Variants in AGBL1 observed in about 807,000 individuals in gnomAD.
The protein encoded by AGBL1 is cytosolic carboxypeptidase 4.
In AGBL1, 130 loss-of-function variants were observed where a neutral mutation model predicts 118.9. That is an observed-to-expected ratio of 1.09 (90% CI 0.95 to 1.26). AGBL1 has a LOEUF of 1.26. Ranked by LOEUF, AGBL1 falls within the 50% of genes most tolerant of loss-of-function variation. AGBL1 has a pLI of 0.00. For missense variants in AGBL1, 1,584 were observed against 1,298.1 expected, an observed-to-expected ratio of 1.22 and a Z score of -3.38; for synonymous variants, 555 against 478.9, an observed-to-expected ratio of 1.16 and a Z score of -2.08.
chr15:86,585,428 T>G (rs919700156), intron 21 of AGBL1, among the ~76,000 whole-genome samples: 1 of 152,178 alleles, frequency 6.6e-6, no homozygotes, highest in Non-Finnish European at 1.5e-5. Flanking sequence ...GGTCTCACTG[T>G]CTCTGCCCAG....
intron 24 of AGBL1, among the ~76,000 whole-genome samples, chr15:87,022,535 G>A (rs1004337408): frequency 1.3e-5 from 2 of 152,046 alleles, no homozygotes; most frequent in African/African-American, 4.8e-5. Context: ...ATATATTTGG[G>A]GGAATAATTG....
At chr15:86,899,223 A>C (rs1011644584) in intron 22 of AGBL1, among the ~76,000 whole-genome samples, 20 of 152,238 alleles carry the variant, frequency 1.3e-4, no homozygotes, top group Non-Finnish European at 2.4e-4. Context: ...GAATGAGATC[A>C]TGTCTTTTGT....
chr15:86,196,873 G>GCA (rs1490413428), intron 5 of AGBL1, among the ~76,000 whole-genome samples: 15 of 89,046 alleles, frequency 1.7e-4, no homozygotes, highest in East Asian at 1.3e-3. Flanking sequence ...ACATGTGCGC[G>GCA]CGCGCGCACA....
intron 18 of AGBL1, among the ~76,000 whole-genome samples, chr15:86,512,661 A>T (rs1247584655): frequency 6.6e-6 from 1 of 151,644 alleles, no homozygotes; most frequent in African/African-American, 2.4e-5. Flanking sequence ...AACTACTATT[A>T]TTCATATGTT....
rs1460820444 is a variant in AGBL1, at chr15:86,735,653, G to GAT, written c.3158+61218_3158+61219insTA. Among the ~76,000 whole-genome samples, 107 of 143,074 alleles carry GAT rather than the reference G, an allele frequency of 7.5e-4. 2 individuals carry two copies. The highest frequency in any genetic ancestry group is 4.6e-3 in the East Asian group (20 of 4,376). 93.9% of individuals were successfully genotyped at this position (143,074 alleles called of 152,430 possible). On this transcript the variant is annotated intron_variant, in intron 22 of 22. Coordinates refer to ENST00000614907, the MANE Select transcript of AGBL1 (RefSeq NM_001386094.1). Reference sequence around the variant, plus strand: ...GTGTGTGTATTTCCTGCTACAAAGAGAGATATATATATATATTTTATTTGT... The same window carrying GAT: ...GTGTGTGTATTTCCTGCTACAAAGAGATAGATATATATATATATTTTATTTGT...
At chr15:86,443,432 A>T (rs1354487808) in intron 18 of AGBL1, among the ~76,000 whole-genome samples, 1 of 152,204 alleles carries the variant, frequency 6.6e-6, no homozygotes, top group African/African-American at 2.4e-5. Flanking sequence ...CTATCACTTC[A>T]AATATTTATC....
Position 86,535,244 on chromosome 15 carries a change from A to G in AGBL1, c.2686-10758A>G, listed in dbSNP as rs568427187. Among the ~76,000 whole-genome samples, 11 of 152,352 alleles carry G rather than the reference A, an allele frequency of 7.2e-5. No homozygotes were observed. In the East Asian group the frequency reaches 1.7e-3, roughly 24 times the overall value. On this transcript the variant is annotated intron_variant, in intron 19 of 22. Coordinates refer to ENST00000614907, the MANE Select transcript of AGBL1 (RefSeq NM_001386094.1). Reference sequence around the variant, plus strand: ...GGCGGCCTATAAGCAGAGAAGCCCAAAGAAGCGGACAAGCTCTACAATCAG... The same window carrying G: ...GGCGGCCTATAAGCAGAGAAGCCCAGAGAAGCGGACAAGCTCTACAATCAG...
At chr15:86,132,256 G>A (rs759949192) in intron 1 of AGBL1, among the ~76,000 whole-genome samples, 3 of 152,146 alleles carry the variant, frequency 2.0e-5, no homozygotes, top group Non-Finnish European at 4.4e-5. Flanking sequence ...TCTCCCCAGT[G>A]TTTTTGGAAT....
chr15:86,374,978 T>C (rs148675205), intron 17 of AGBL1, among the ~76,000 whole-genome samples: 101 of 152,290 alleles, frequency 6.6e-4, no homozygotes, highest in Non-Finnish European at 9.3e-4. Flanking sequence ...ACATAGTAAA[T>C]GTGTCTTAAT....
intron 5 of AGBL1, among the ~76,000 whole-genome samples, chr15:86,162,141 T>G (rs2141718056): frequency 6.6e-6 from 1 of 152,252 alleles, no homozygotes; most frequent in East Asian, 1.9e-4. Flanking sequence ...CCCAAATGAA[T>G]TCTACTCAAG....
chr15:86,498,792 G>A (rs2082884273), intron 18 of AGBL1, among the ~76,000 whole-genome samples: 1 of 151,884 alleles, frequency 6.6e-6, no homozygotes, highest in South Asian at 2.1e-4. Flanking sequence ...AAAACTATGA[G>A]CAGTGAAGGC....
chr15:86,632,402 C>A (rs1364826976), intron 21 of AGBL1, among the ~76,000 whole-genome samples: 1 of 152,046 alleles, frequency 6.6e-6, no homozygotes, highest in African/African-American at 2.4e-5. Flanking sequence ...GAGATTTCAC[C>A]ATTGCACTCC....
At chr15:86,351,961 A>G (rs1239209290) in intron 17 of AGBL1, among the ~76,000 whole-genome samples, 1 of 152,218 alleles carries the variant, frequency 6.6e-6, no homozygotes, top group Admixed American at 6.5e-5. Context: ...TAGCAGGCAC[A>G]TGATTTATAG....
intron 24 of AGBL1, among the ~76,000 whole-genome samples, chr15:86,989,868 T>G (rs139844987): frequency 1.3e-5 from 2 of 152,126 alleles, no homozygotes; most frequent in Non-Finnish European, 2.9e-5. Context: ...GGCAATGGAA[T>G]TGGCAAGCGC....
intron 24 of AGBL1, among the ~76,000 whole-genome samples, chr15:87,024,213 T>A (rs1048199900): frequency 6.6e-6 from 1 of 151,940 alleles, no homozygotes; most frequent in East Asian, 1.9e-4. Context: ...TTTGAAAAGA[T>A]AAATGAAACT....
intron 21 of AGBL1, among the ~76,000 whole-genome samples, chr15:86,622,098 C>T (rs4887492): frequency 0.35 from 53,167 of 151,874 alleles, 9,666 homozygotes; most frequent in East Asian, 0.59. Flanking sequence ...GAGGCTGAGG[C>T]GGGCTGATCA....
At chr15:87,013,286 G>T (rs113734900) in intron 24 of AGBL1, among the ~76,000 whole-genome samples, 2 of 152,146 alleles carry the variant, frequency 1.3e-5, no homozygotes, top group African/African-American at 4.8e-5. Context: ...AAGGCTGGAT[G>T]AAACAAAGCC....
intron 1 of AGBL1, among the ~76,000 whole-genome samples, chr15:86,108,407 T>C (rs1897174490): frequency 6.6e-6 from 1 of 152,148 alleles, no homozygotes; most frequent in South Asian, 2.1e-4. Context: ...CTTAAAGACA[T>C]AAAGGTATAG....
intron 18 of AGBL1, among the ~76,000 whole-genome samples, chr15:86,429,477 C>G (rs1197124267): frequency 1.3e-5 from 2 of 152,180 alleles, no homozygotes; most frequent in South Asian, 2.1e-4. Context: ...GTCAGCCATG[C>G]TATCAAACTT....
Sources: gnomAD v4.1 joint callset for allele counts (sites outside exome capture counted in the v4.1 genomes callset) on GRCh38, gnomAD v4.1.1 for gene constraint, MANE v1.5 for transcripts, NCBI Gene and HGNC (gene_info 2026-07-23, HGNC 2026-07-21) for gene names.